Variants in RBFOX1 observed in about 807,000 individuals in gnomAD.
RBFOX1 encodes RNA binding protein fox-1 homolog 1.
In RBFOX1, 8 loss-of-function variants were observed where a neutral mutation model predicts 57.7. The observed-to-expected ratio is 0.14, with a 90% CI of 0.08 to 0.25. The LOEUF (loss-of-function observed/expected upper bound fraction) is 0.25. Ranked by LOEUF, RBFOX1 falls within the 10% of genes least tolerant of loss-of-function variation. RBFOX1 has a pLI of 1.00. For synonymous variants in RBFOX1, 326 were observed against 222.4 expected, an observed-to-expected ratio of 1.47 and a Z score of -4.15; for missense variants, 611 against 548.5, an observed-to-expected ratio of 1.11 and a Z score of -1.14.
chr16:6,579,984 A>C (rs1240292263), intron 2 of RBFOX1, among the ~76,000 whole-genome samples: 1 of 151,728 alleles, frequency 6.6e-6, no homozygotes, highest in Non-Finnish European at 1.5e-5. Context: ...TCTGAGACAG[A>C]GTCTTGCTCT....
intron 4 of RBFOX1, among the ~76,000 whole-genome samples, chr16:7,161,297 G>T (rs890096414): frequency 2.0e-5 from 3 of 151,638 alleles, no homozygotes; most frequent in African/African-American, 7.3e-5. Context: ...TGCAGTATGT[G>T]TAAGGAATAT....
chr16:6,118,321 C>T (rs1423435674), intron 1 of RBFOX1, among the ~76,000 whole-genome samples: 1 of 152,132 alleles, frequency 6.6e-6, no homozygotes, highest in East Asian at 1.9e-4. Flanking sequence ...TATGCTATTA[C>T]AAAATACCTT....
At chr16:7,053,004 AC>A (rs1180325240) in intron 4 of RBFOX1, among the ~76,000 whole-genome samples, 5 of 152,076 alleles carry the variant, frequency 3.3e-5, no homozygotes, top group Non-Finnish European at 7.4e-5. Context: ...GCGTTAGGAA[AC>A]TCCTGTGCCC....
intron 3 of RBFOX1, among the ~76,000 whole-genome samples, chr16:6,998,604 A>G (rs2092474266): frequency 6.6e-6 from 1 of 152,140 alleles, no homozygotes; most frequent in Non-Finnish European, 1.5e-5. Flanking sequence ...ATTGTGATCG[A>G]TGACTTTTGT....
intron 2 of RBFOX1, among the ~76,000 whole-genome samples, chr16:5,579,073 C>G (rs910035217): frequency 2.0e-5 from 3 of 152,084 alleles, no homozygotes; most frequent in Admixed American, 6.5e-5. Context: ...GTCTGGAACT[C>G]CTGACCTCAG....
chr16:6,596,359 G>A (rs1698492653), intron 2 of RBFOX1, among the ~76,000 whole-genome samples: 1 of 152,098 alleles, frequency 6.6e-6, no homozygotes, highest in South Asian at 2.1e-4. Flanking sequence ...ACCATTCATT[G>A]AAAATCCTAT....
At chr16:6,824,214 G>C (rs914277131) in intron 3 of RBFOX1, among the ~76,000 whole-genome samples, 11 of 152,214 alleles carry the variant, frequency 7.2e-5, no homozygotes, top group African/African-American at 2.7e-4. Context: ...AGACCAGTCT[G>C]GCCAACATGG....
chr16:5,672,595 C>T (rs1438718324), intron 3 of RBFOX1, among the ~76,000 whole-genome samples: 2 of 136,604 alleles, frequency 1.5e-5, no homozygotes. Flanking sequence ...AAACAACCCA[C>T]AAAGAGTTAA....
At chr16:7,685,485 C>T (rs2075871088) in intron 14 of RBFOX1, among the ~76,000 whole-genome samples, 1 of 152,044 alleles carries the variant, frequency 6.6e-6, no homozygotes, top group Non-Finnish European at 1.5e-5. Flanking sequence ...TGAAAAAGTT[C>T]CATCTGATTT....
chr16:6,300,791 C>A (rs967061512), intron 1 of RBFOX1, among the ~76,000 whole-genome samples: 1 of 152,188 alleles, frequency 6.6e-6, no homozygotes, highest in Non-Finnish European at 1.5e-5. Context: ...TTTACTCCAC[C>A]ACCACCTCCC....
Position 7,036,668 on chromosome 16 carries a change from C to T in RBFOX1, c.-15-15389C>T, listed in dbSNP as rs569252671. On this transcript the variant is annotated intron_variant, in intron 3 of 15. Transcript: ENST00000550418. ...AAATCGTGCCACTGCACTCCAGCCT[C>T]GTCGAAAGAGCAAAACTCCGTCTCA... is the stretch of plus-strand genomic sequence containing the variant. Among the ~76,000 whole-genome samples the T allele has an allele frequency of 1.7e-4, 26 of 151,004 alleles. 1 individual carries two copies. In the South Asian group the frequency reaches 5.2e-3, roughly 30 times the overall value.
At chr16:5,824,715 C>T (rs2055976075) in intron 3 of RBFOX1, among the ~76,000 whole-genome samples, 1 of 152,238 alleles carries the variant, frequency 6.6e-6, no homozygotes, top group Admixed American at 6.5e-5. Flanking sequence ...CTCTCTCTTC[C>T]CACGCTGCAG....
chr16:6,697,777 A>G (rs544742523), intron 3 of RBFOX1, among the ~76,000 whole-genome samples: 2 of 152,208 alleles, frequency 1.3e-5, no homozygotes, highest in Non-Finnish European at 2.9e-5. Flanking sequence ...AACCAGATCA[A>G]CAGAAGACCC....
intron 3 of RBFOX1, among the ~76,000 whole-genome samples, chr16:5,717,656 C>T (rs2151524034): frequency 6.6e-6 from 1 of 152,296 alleles, no homozygotes; most frequent in South Asian, 2.1e-4. Flanking sequence ...ATAATGTCCT[C>T]CAGCTCCATC....
intron 1 of RBFOX1, among the ~76,000 whole-genome samples, chr16:5,331,565 G>T (rs191707443): frequency 6.6e-6 from 1 of 152,350 alleles, no homozygotes; most frequent in South Asian, 2.1e-4. Context: ...AACTCTTTGA[G>T]CCTTTGCAGA....
At chr16:5,463,532 G>A (rs1159111721) in intron 1 of RBFOX1, among the ~76,000 whole-genome samples, 1 of 152,168 alleles carries the variant, frequency 6.6e-6, no homozygotes, top group Non-Finnish European at 1.5e-5. Flanking sequence ...GGGCGTGGTG[G>A]GTCGTGTCTG....
intron 4 of RBFOX1, among the ~76,000 whole-genome samples, chr16:5,945,177 C>A (rs1257129353): frequency 6.6e-6 from 1 of 152,084 alleles, no homozygotes; most frequent in Non-Finnish European, 1.5e-5. Context: ...TACAGAATTA[C>A]TCACAGGCTG....
At chr16:7,194,519 A>G (rs1040937915) in intron 4 of RBFOX1, among the ~76,000 whole-genome samples, 1 of 152,204 alleles carries the variant, frequency 6.6e-6, no homozygotes, top group Non-Finnish European at 1.5e-5. Context: ...CAAAATGTAC[A>G]TTTAAATTAC....
chr16:6,486,630 A>G (rs2095488407), intron 2 of RBFOX1, among the ~76,000 whole-genome samples: 1 of 150,646 alleles, frequency 6.6e-6, no homozygotes, highest in East Asian at 1.9e-4. Context: ...AAAAGAAATG[A>G]GGAAAAAGCT....
Sources: gnomAD v4.1 joint callset for allele counts (sites outside exome capture counted in the v4.1 genomes callset) on GRCh38, gnomAD v4.1.1 for gene constraint, MANE v1.5 for transcripts, NCBI Gene and HGNC (gene_info 2026-07-23, HGNC 2026-07-21) for gene names.